Variants in CLEC18A observed in about 807,000 individuals in gnomAD.
CLEC18A encodes mannose receptor-like 1.
Under a neutral mutation model 24.0 loss-of-function variants are expected in CLEC18A, and 5 were observed. The ratio of observed to expected loss-of-function variants is 0.21; its 90% CI spans 0.11 to 0.44. The LOEUF (loss-of-function observed/expected upper bound fraction) is 0.44. Among genes scored for constraint, CLEC18A ranks in the 20% least tolerant of loss-of-function variants. The probability of loss-of-function intolerance (pLI) is 0.99; values close to 1 mark genes in which losing one functional copy is unlikely to be tolerated. For missense variants in CLEC18A, 83 were observed against 233.4 expected (o/e 0.36, Z 4.20); for synonymous variants, 29 against 100.1 (o/e 0.29, Z 4.24).
chr16:69,945,400 A>G, the CLEC18A span, among the ~76,000 whole-genome samples: 2 of 152,230 alleles, frequency 1.3e-5, no homozygotes, highest in Non-Finnish European at 2.9e-5. Flanking sequence ...TAGAAGTTTC[A>G]TAGCAAGTTT....
intron 2 of CLEC18A, chr16:69,952,904 G>C (rs2152012790): frequency 1.4e-5 from 2 of 145,794 alleles, no homozygotes; most frequent in Middle Eastern, 7.0e-3. Flanking sequence ...GGTGGGGGTG[G>C]GGTGGCTAAA....
At chr16:69,953,563 C>A (rs1459750198) in intron 2 of CLEC18A, 3 of 143,034 alleles carry the variant, frequency 2.1e-5, no homozygotes, top group Non-Finnish European at 4.7e-5. Flanking sequence ...CACCTGTAAT[C>A]CCAGCACTCT....
At chr16:69,950,257 C>T (rs1256607692), upstream of CLEC18A, among the ~76,000 whole-genome samples, 5 of 126,460 alleles carry the variant, frequency 4.0e-5, 1 homozygote, top group Non-Finnish European at 5.6e-5. Context: ...AACCCCGCTC[C>T]GAGAGGGTGT....
chr16:69,966,145 G>A (rs1435416954), downstream of CLEC18A, among the ~76,000 whole-genome samples: 1 of 136,940 alleles, frequency 7.3e-6, no homozygotes, highest in African/African-American at 2.8e-5. Flanking sequence ...CCTTGATAGG[G>A]TAAACTATTC....
chr16:69,945,763 C>T (rs893012640), upstream of CLEC18A, among the ~76,000 whole-genome samples: 1 of 152,246 alleles, frequency 6.6e-6, no homozygotes, highest in Non-Finnish European at 1.5e-5. Flanking sequence ...ATTGAGTCTT[C>T]CCCTGGCCAA....
upstream of CLEC18A, among the ~76,000 whole-genome samples, chr16:69,948,957 A>C (rs1307643599): frequency 1.5e-4 from 1 of 6,760 alleles, no homozygotes; most frequent in Non-Finnish European, 2.2e-4. Flanking sequence ...TTTTTTTTTG[A>C]GGGGTCGGGG....
the CLEC18A span, among the ~76,000 whole-genome samples, chr16:69,945,135 A>T: frequency 6.7e-6 from 1 of 148,570 alleles, no homozygotes; most frequent in Admixed American, 6.6e-5. Context: ...GAAAAAAAAA[A>T]AAAAAGTAGC....
the CLEC18A span, among the ~76,000 whole-genome samples, chr16:69,945,184 G>A: frequency 6.7e-6 from 1 of 148,272 alleles, no homozygotes; most frequent in African/African-American, 2.6e-5. Context: ...TACCTGCTCA[G>A]GAGGCTGAGG....
chr16:69,948,940 CTTTT>C (rs755402035), upstream of CLEC18A, among the ~76,000 whole-genome samples: 1 of 18,802 alleles, frequency 5.3e-5, no homozygotes. Context: ...TCCTGGGACT[CTTTT>C]TTTTTTTTTT....
downstream of CLEC18A, among the ~76,000 whole-genome samples, chr16:69,965,471 C>G (rs574061746): frequency 3.9e-3 from 598 of 151,826 alleles, 7 homozygotes; most frequent in Middle Eastern, 0.014. Context: ...GTGGGTGACC[C>G]GGGCGCGCGC....
At chr16:69,945,742 A>G (rs1427669252), upstream of CLEC18A, among the ~76,000 whole-genome samples, 1 of 152,270 alleles carries the variant, frequency 6.6e-6, no homozygotes, top group Non-Finnish European at 1.5e-5. Flanking sequence ...ATTACCATCT[A>G]TCTTAACAAT....
intron 3 of CLEC18A, among the ~76,000 whole-genome samples, chr16:69,955,988 G>T (rs1174457177): frequency 2.0e-5 from 3 of 152,142 alleles, no homozygotes; most frequent in Admixed American, 1.3e-4. Context: ...GCTCACGCCC[G>T]TAATCCCAGC....
rs776793153 is a variant in CLEC18A at position 69,953,616 on chromosome 16, G to GT, written c.217-718_217-717insT. ...AGATCACCTAAGGTCAGCAGTTTGA[G>GT]ACCAGCAATGGCCAACAGTGAAACC... On this transcript the variant is annotated intron_variant, in intron 2 of 11. Transcript: ENST00000288040. The GT allele has an allele frequency of 9.2e-4, 124 of 134,118 alleles. 10 individuals carry two copies. Among genetic ancestry groups the GT allele is most frequent in the Non-Finnish European group, 1.5e-3 (88 of 57,116 alleles). The allele number at this position is 134,118 out of a possible 1,614,324, so 8.3% of individuals were successfully genotyped here.
chr16:69,965,341 C>G (rs1210439116), downstream of CLEC18A, among the ~76,000 whole-genome samples: 2 of 152,032 alleles, frequency 1.3e-5, no homozygotes, highest in African/African-American at 4.8e-5. Flanking sequence ...CTCTCCGGCT[C>G]GGTCTGGTTC....
chr16:69,953,276 G>T (rs1303874731), intron 2 of CLEC18A: 3 of 151,612 alleles, frequency 2.0e-5, no homozygotes, highest in African/African-American at 7.3e-5. Context: ...AGGGACCCCG[G>T]GGAGCCCCCA....
In CLEC18A at chr16:69,954,480, C is replaced by T. The variant is rs775872534; in HGVS notation, c.363C>T (p.Val121=). Residue 121 remains valine, a synonymous_variant, in exon 3 of 12, where the codon GTC becomes GTT. Transcript: ENST00000288040. ...TACCCGCGGGCTTGGTGTCCTTTGT[C>T]GAAGTGGTCAGCCTATGGTTTGCAG... The part of the protein sequence containing the change: ...QLLPAGLVSF[V]EVVSLWFAEG... 2.5e-4 allele frequency: 403 copies of T among 1,608,116 alleles called. 5 individuals carry two copies. The highest frequency in any genetic ancestry group is 1.1e-3 in the Admixed American group (64 of 59,316).
At chr16:69,956,044 G>A (rs1313611181) in intron 3 of CLEC18A, among the ~76,000 whole-genome samples, 1 of 152,084 alleles carries the variant, frequency 6.6e-6, no homozygotes, top group Non-Finnish European at 1.5e-5. Flanking sequence ...CCGGGAGTTC[G>A]AGATCAGCCT....
chr16:69,944,258 T>C, the CLEC18A span, among the ~76,000 whole-genome samples: 1 of 145,004 alleles, frequency 6.9e-6, no homozygotes, highest in Non-Finnish European at 1.6e-5. Context: ...ACCGCACCAC[T>C]GCACTCCAGC....
downstream of CLEC18A, among the ~76,000 whole-genome samples, chr16:69,965,525 C>T (rs867687065): frequency 3.3e-5 from 5 of 151,082 alleles, no homozygotes; most frequent in African/African-American, 1.2e-4. Context: ...GGCGGGGCGG[C>T]CGAGCCGAGA....
Sources: allele counts gnomAD v4.1 joint callset (sites outside exome capture counted in the v4.1 genomes callset), GRCh38; gene constraint gnomAD v4.1.1; transcripts MANE v1.5; gene names NCBI Gene and HGNC (gene_info 2026-07-23, HGNC 2026-07-21).